Variants in TMEM181 observed in about 807,000 individuals in gnomAD.
TMEM181 encodes G protein-coupled receptor 178.
In TMEM181, 39 loss-of-function variants were observed where a neutral mutation model predicts 71.9. That is an observed-to-expected ratio of 0.54 (90% CI 0.42 to 0.71). The LOEUF (loss-of-function observed/expected upper bound fraction) is 0.71. Ranked by LOEUF, TMEM181 falls within the 30% of genes least tolerant of loss-of-function variation. The pLI is 0.00. For synonymous variants in TMEM181, 245 were observed against 228.8 expected (o/e 1.07, Z -0.64); for missense variants, 595 against 583.0 (o/e 1.02, Z -0.21).
At chr6:158,573,181 G>A (rs1782971190) in intron 1 of TMEM181, among the ~76,000 whole-genome samples, 1 of 152,184 alleles carries the variant, frequency 6.6e-6, no homozygotes, top group South Asian at 2.1e-4. Context: ...GACCGCGGTG[G>A]CTGGTGTGTC....
At chr6:158,552,748 A>T (rs1206081524) in intron 1 of TMEM181, among the ~76,000 whole-genome samples, 1 of 152,236 alleles carries the variant, frequency 6.6e-6, no homozygotes, top group Non-Finnish European at 1.5e-5. Context: ...GTGAGATGGA[A>T]ACAAAGTTGA....
chr6:158,615,004 G>A (rs971444198), intron 10 of TMEM181, among the ~76,000 whole-genome samples: 5 of 152,196 alleles, frequency 3.3e-5, no homozygotes, highest in African/African-American at 1.2e-4. Flanking sequence ...TATATATCCA[G>A]TAATGGGATG....
At chr6:158,623,437 A>T in intron 10 of TMEM181, 113 bp from the exon 11 acceptor site, 1 of 600,118 alleles carries the variant, frequency 1.7e-6, no homozygotes, top group Non-Finnish European at 2.8e-6. Flanking sequence ...CACTGTTGGT[A>T]GGAAGTAGTT....
chr6:158,544,182 A>AGAGAGAGAGGGTGTGTGTGTGTGTGTGT (rs149735409), intron 1 of TMEM181, among the ~76,000 whole-genome samples: 1 of 127,562 alleles, frequency 7.8e-6, no homozygotes, highest in Non-Finnish European at 1.7e-5. Context: ...AATTGGAGAG[A>AGAGAGAGAGGGTGTGTGTGTGTGTGTGT]GTGTGTGTGT....
chr6:158,582,961 G>A (rs896399379), intron 3 of TMEM181, among the ~76,000 whole-genome samples: 1 of 152,186 alleles, frequency 6.6e-6, no homozygotes, highest in African/African-American at 2.4e-5. Flanking sequence ...TTGGCCGGGC[G>A]CAGTGGCTCA....
At chr6:158,559,917 C>A (rs1300604870), upstream of TMEM181, among the ~76,000 whole-genome samples, 5 of 152,354 alleles carry the variant, frequency 3.3e-5, no homozygotes, top group African/African-American at 9.6e-5. Flanking sequence ...TGTCTTGAGC[C>A]CCAGCTCAGG....
At chr6:158,580,252 C>G (rs942205901) in intron 2 of TMEM181, among the ~76,000 whole-genome samples, 1 of 152,140 alleles carries the variant, frequency 6.6e-6, no homozygotes, top group Non-Finnish European at 1.5e-5. Flanking sequence ...AGTGCTTGAA[C>G]CTGGGAGGTG....
chr6:158,544,699 A>C (rs1781468577), intron 1 of TMEM181, among the ~76,000 whole-genome samples: 2 of 152,032 alleles, frequency 1.3e-5, no homozygotes, highest in Admixed American at 1.3e-4. Context: ...TTCTTGGCTC[A>C]GTCTTCATCA....
chr6:158,613,084 C>G lies in TMEM181; in HGVS notation c.896+4334C>G, dbSNP rs144463056. Among the ~76,000 whole-genome samples the G allele has an allele frequency of 6.3e-3, 959 of 152,300 alleles. 4 individuals carry two copies. Among genetic ancestry groups the G allele is most frequent in the Non-Finnish European group, 0.011 (761 of 68,034 alleles). On this transcript the variant is annotated intron_variant, in intron 10 of 16. Transcript: ENST00000684151. Reference sequence around the variant, plus strand: ...TTACATTGATATTTAGGACGTTCCTCTGGGCTGTTGGGATTGCTTCCTCAG... The same window carrying G: ...TTACATTGATATTTAGGACGTTCCTGTGGGCTGTTGGGATTGCTTCCTCAG...
In TMEM181 at chr6:158,571,041, C is replaced by T. The variant is rs142049271; in HGVS notation, c.9-2379C>T. On this transcript the variant is annotated intron_variant, in intron 1 of 16. Transcript: ENST00000684151. ...GATTCTCCTGCTTCAGCCTCCTGAA[C>T]AGCTGAGATTACAGGCATGTGCCAC... 6.6e-3 allele frequency among the ~76,000 whole-genome samples: 1,005 copies of T among 151,744 alleles called. 9 individuals carry two copies. The highest frequency in any genetic ancestry group is 0.022 in the African/African-American group (915 of 41,382).
At chr6:158,607,170 C>CAGCAAGGTGTGAGCAAAGGCTGCA in intron 7 of TMEM181, 74 bp from the exon 8 acceptor site, 5 of 1,238,330 alleles carry the variant, frequency 4.0e-6, no homozygotes, top group Non-Finnish European at 4.8e-6. Context: ...CCTGGTATGC[C>CAGCAAGGTGTGAGCAAAGGCTGCA]GGCAAGGTGT....
At chr6:158,540,462 T>A (rs543320680) in intron 1 of TMEM181, among the ~76,000 whole-genome samples, 15 of 152,282 alleles carry the variant, frequency 9.9e-5, no homozygotes, top group African/African-American at 3.6e-4. Flanking sequence ...AACTGGAAAG[T>A]AGCCAGATAC....
chr6:158,607,221 TG>T, intron 7 of TMEM181, 22 bp from the exon 8 acceptor site: 1 of 1,601,714 alleles, frequency 6.2e-7, no homozygotes, highest in Non-Finnish European at 8.6e-7. Flanking sequence ...AGGCAGTAAC[TG>T]GAGGCCTGAT....
At chr6:158,590,556 C>T (rs1452774774) in intron 6 of TMEM181, among the ~76,000 whole-genome samples, 4 of 152,116 alleles carry the variant, frequency 2.6e-5, no homozygotes, top group East Asian at 3.8e-4. Flanking sequence ...CTCCGCCTCC[C>T]GGGTTCAAGC....
At position 158,634,188 on chromosome 6, in the gene TMEM181, C is replaced by A. The variant is rs756828982; in HGVS notation, c.*2300C>A. On this transcript the variant is annotated 3_prime_UTR_variant, in exon 17 of 17. Transcript: ENST00000684151. Reference sequence around the variant, plus strand: ...GTTAGAAAGTACTTAAGGGGAAAATCGTTCTTACTAAGTCATGTATTTTCA... The same window carrying A: ...GTTAGAAAGTACTTAAGGGGAAAATAGTTCTTACTAAGTCATGTATTTTCA... The A allele has an allele frequency of 6.6e-6, 1 of 152,118 alleles. No homozygotes were observed. The highest frequency in any genetic ancestry group is 1.5e-5 in the Non-Finnish European group (1 of 68,004). The allele number at this position is 152,118 out of a possible 1,614,324, so 9.4% of individuals were successfully genotyped here. A position where few individuals can be genotyped will look rare whatever the true frequency, so the allele number is the denominator to read the frequency against.
At chr6:158,579,847 T>C (rs1175572055) in intron 2 of TMEM181, among the ~76,000 whole-genome samples, 1 of 152,164 alleles carries the variant, frequency 6.6e-6, no homozygotes, top group Non-Finnish European at 1.5e-5. Context: ...TAAGATTCAC[T>C]TATATGGGGT....
At chr6:158,548,982 G>C (rs1008520441) in intron 1 of TMEM181, among the ~76,000 whole-genome samples, 2 of 152,244 alleles carry the variant, frequency 1.3e-5, no homozygotes, top group African/African-American at 4.8e-5. Context: ...CAGAGAGGCA[G>C]GGAGGGGCCT....
chr6:158,593,239 T>C (rs538862350), intron 6 of TMEM181, among the ~76,000 whole-genome samples: 3 of 152,350 alleles, frequency 2.0e-5, no homozygotes, highest in South Asian at 4.1e-4. Flanking sequence ...GCTACTAAAA[T>C]AATAAGTTAA....
intron 1 of TMEM181, among the ~76,000 whole-genome samples, chr6:158,571,382 T>TGC (rs1782824682): frequency 1.2e-5 from 1 of 80,612 alleles, no homozygotes; most frequent in Non-Finnish European, 2.7e-5. Flanking sequence ...AGGCGTGATC[T>TGC]GCCCGCCTTG....
Sources: allele counts gnomAD v4.1 joint callset (sites outside exome capture counted in the v4.1 genomes callset), GRCh38; gene constraint gnomAD v4.1.1; transcripts MANE v1.5; gene names NCBI Gene and HGNC (gene_info 2026-07-23, HGNC 2026-07-21).